Variants in OPCML observed in about 807,000 individuals in gnomAD.
OPCML encodes the protein opioid binding protein/cell adhesion molecule like.
Under a neutral mutation model 37.8 loss-of-function variants are expected in OPCML, and 13 were observed. The observed-to-expected ratio is 0.34, with a 90% confidence interval of 0.22 to 0.55. The LOEUF is 0.55. Among genes scored for constraint, OPCML ranks in the 20% least tolerant of loss-of-function variants. OPCML has a pLI of 0.91. For synonymous variants in OPCML, 176 were observed against 168.8 expected, an observed-to-expected ratio of 1.04 and a Z score of -0.33; for missense variants, 341 against 435.6, an observed-to-expected ratio of 0.78 and a Z score of 1.93.
rs188814025 is a variant in OPCML, at chr11:132,426,004, A to G, written c.917-5711T>C. ...GTGAGAACATGTAATTATGCCCTTT[A>G]CCATTATTCCAGCACCTCCTCCTTC... On this transcript the variant is annotated intron_variant, in intron 7 of 7. Transcript: ENST00000524381. Among the ~76,000 whole-genome samples the G allele has an allele frequency of 1.8e-3, 267 of 152,318 alleles. 1 individual carries two copies. Among genetic ancestry groups the G allele is most frequent in the Middle Eastern group, 3.4e-3 (1 of 294 alleles).
At chr11:133,275,527 C>G (rs1941968645) in intron 1 of OPCML, among the ~76,000 whole-genome samples, 1 of 152,156 alleles carries the variant, frequency 6.6e-6, no homozygotes, top group Non-Finnish European at 1.5e-5. Flanking sequence ...CCAGCATCAT[C>G]ATGGGTCAGC....
chr11:133,235,755 A>G (rs907459841), intron 1 of OPCML, among the ~76,000 whole-genome samples: 7 of 152,178 alleles, frequency 4.6e-5, no homozygotes, highest in African/African-American at 1.4e-4. Flanking sequence ...TTTTCTGGTC[A>G]AGGTCATTCA....
rs575325482 is a variant in OPCML at position 133,030,639 on chromosome 11, C to T, written c.62-87629G>A. Among the ~76,000 whole-genome samples, 6 of 152,234 alleles carry T rather than the reference C, an allele frequency of 3.9e-5. No individual in the cohort carries two copies. In the East Asian group the frequency reaches 1.2e-3, roughly 29 times the overall value. ...TAAGACAGCATATAAAATGCAGCCC[C>T]CTGCTTCATCAACTTTACCTAGAAT... On this transcript the variant is annotated intron_variant, in intron 1 of 7. Coordinates refer to ENST00000524381, the MANE Select transcript of OPCML (RefSeq NM_001012393.5).
intron 1 of OPCML, among the ~76,000 whole-genome samples, chr11:133,518,489 A>G (rs1259411471): frequency 6.6e-6 from 1 of 151,700 alleles, no homozygotes; most frequent in Non-Finnish European, 1.5e-5. Context: ...ATGTTTGTGT[A>G]TAAGTGTGTG....
chr11:132,637,602 T>G (rs2135712517), intron 3 of OPCML, among the ~76,000 whole-genome samples: 1 of 152,294 alleles, frequency 6.6e-6, no homozygotes, highest in South Asian at 2.1e-4. Flanking sequence ...CATCCTAGAC[T>G]TTGGTCTTTG....
intron 1 of OPCML, among the ~76,000 whole-genome samples, chr11:133,014,053 A>T (rs1354261446): frequency 1.3e-5 from 2 of 152,172 alleles, no homozygotes; most frequent in Non-Finnish European, 2.9e-5. Flanking sequence ...ACAACTTTAC[A>T]TTCTTATCTA....
chr11:132,563,193 T>G (rs1354736326), intron 3 of OPCML, among the ~76,000 whole-genome samples: 1 of 152,154 alleles, frequency 6.6e-6, no homozygotes. Flanking sequence ...ATGCTAGAGA[T>G]GAGGCTTATG....
chr11:133,001,947 A>G (rs1283227706), intron 1 of OPCML, among the ~76,000 whole-genome samples: 1 of 152,196 alleles, frequency 6.6e-6, no homozygotes, highest in African/African-American at 2.4e-5. Flanking sequence ...GCTATGAGTA[A>G]TAACTGTCAT....
At chr11:132,519,414 T>C (rs1252440103) in intron 4 of OPCML, among the ~76,000 whole-genome samples, 7 of 151,988 alleles carry the variant, frequency 4.6e-5, no homozygotes, top group African/African-American at 1.7e-4. Flanking sequence ...TCTGCCATCC[T>C]CCCGCTTGCA....
intron 1 of OPCML, among the ~76,000 whole-genome samples, chr11:133,018,259 A>T (rs949111468): frequency 3.3e-5 from 5 of 152,242 alleles, no homozygotes; most frequent in Admixed American, 6.5e-5. Context: ...TAAAATGTAC[A>T]TTGAATAGAG....
At chr11:133,333,194 G>A (rs529708732) in intron 1 of OPCML, among the ~76,000 whole-genome samples, 45 of 152,208 alleles carry the variant, frequency 3.0e-4, no homozygotes, top group Non-Finnish European at 5.9e-5. Flanking sequence ...AAGCAGCTGG[G>A]ATTACAGGCA....
intron 1 of OPCML, among the ~76,000 whole-genome samples, chr11:133,467,318 C>A (rs1216370693): frequency 1.3e-5 from 2 of 152,182 alleles, no homozygotes; most frequent in African/African-American, 4.8e-5. Context: ...GGTTCCTAGG[C>A]ACCCTTAGAG....
At chr11:132,705,329 GC>G (rs1015851719) in intron 2 of OPCML, among the ~76,000 whole-genome samples, 12 of 152,048 alleles carry the variant, frequency 7.9e-5, no homozygotes, top group Non-Finnish European at 1.5e-4. Flanking sequence ...TGTGGTTCAT[GC>G]CTGTCATCTG....
intron 1 of OPCML, among the ~76,000 whole-genome samples, chr11:133,241,502 C>T (rs765488807): frequency 2.0e-5 from 3 of 152,182 alleles, no homozygotes; most frequent in South Asian, 2.1e-4. Flanking sequence ...ATTATGTAGG[C>T]ATGTTTTATC....
intron 3 of OPCML, among the ~76,000 whole-genome samples, chr11:132,652,456 G>A (rs1459564656): frequency 6.6e-6 from 1 of 152,014 alleles, no homozygotes. Context: ...GTTGGCATTG[G>A]AGGGACTGCA....
At chr11:132,504,321 A>G (rs1204323553) in intron 4 of OPCML, among the ~76,000 whole-genome samples, 2 of 151,664 alleles carry the variant, frequency 1.3e-5, no homozygotes, top group Non-Finnish European at 1.5e-5. Context: ...GAGGCCGAGC[A>G]GCCATTAACA....
At chr11:133,340,608 C>CTCTGTG (rs1943846136) in intron 1 of OPCML, among the ~76,000 whole-genome samples, 1 of 139,432 alleles carries the variant, frequency 7.2e-6, no homozygotes, top group African/African-American at 2.7e-5. Flanking sequence ...AAGACTCTCT[C>CTCTGTG]TGTGTGTGTG....
chr11:133,213,750 AG>A (rs1757989778), intron 1 of OPCML, among the ~76,000 whole-genome samples: 1 of 152,150 alleles, frequency 6.6e-6, no homozygotes, highest in Non-Finnish European at 1.5e-5. Flanking sequence ...TATACTCTTC[AG>A]GGGGTTTAGA....
chr11:133,142,109 T>G (rs911426012), intron 1 of OPCML, among the ~76,000 whole-genome samples: 1 of 152,226 alleles, frequency 6.6e-6, no homozygotes, highest in Non-Finnish European at 1.5e-5. Flanking sequence ...AAGTAGTACT[T>G]ATTAATATTA....
Sources: gnomAD v4.1 joint callset for allele counts (sites outside exome capture counted in the v4.1 genomes callset) on GRCh38, gnomAD v4.1.1 for gene constraint, MANE v1.5 for transcripts, NCBI Gene and HGNC (gene_info 2026-07-23, HGNC 2026-07-21) for gene names.